Variants in DECR1 observed in about 807,000 individuals in gnomAD.
DECR1 encodes the protein 2,4-dienoyl-CoA reductase [(3E)-enoyl-CoA-producing], mitochondrial.
Under a neutral mutation model 38.8 loss-of-function variants are expected in DECR1, and 44 were observed. That is an observed-to-expected ratio of 1.13 (90% CI 0.89 to 1.46). The LOEUF is 1.46. Among genes scored for constraint, DECR1 ranks in the 40% most tolerant of loss-of-function variants. The pLI, the probability that DECR1 is intolerant of heterozygous loss-of-function variation, is 0.00. For synonymous variants in DECR1, 148 were observed against 135.2 expected (o/e 1.09, Z -0.66); for missense variants, 428 against 405.5 (o/e 1.06, Z -0.48).
intron 8 of DECR1, among the ~76,000 whole-genome samples, chr8:90,045,743 G>A (rs1009946203): frequency 9.9e-5 from 15 of 152,282 alleles, no homozygotes; most frequent in African/African-American, 3.6e-4. Context: ...CCTCAACTGG[G>A]CCCTTGACCC....
Position 90,019,133 on chromosome 8 carries a change from C to T in DECR1, c.378C>T (p.Asn126=), listed in dbSNP as rs761550038. ...CDVRDPDMVQ[N]TVSELIKVAG... is the part of the protein sequence containing the mutation. ...TGAGGGATCCTGATATGGTTCAAAA[C>T]ACTGTGTCAGAACTGATCAAAGTTG... Residue 126 remains asparagine, a synonymous_variant, in exon 4 of 10, where the codon AAC becomes AAT. Coordinates refer to ENST00000220764, the MANE Select transcript of DECR1 (RefSeq NM_001359.2). 2.5e-6 allele frequency: 4 copies of T among 1,614,066 alleles called. No individual in the cohort carries two copies. In the East Asian group the frequency reaches 6.7e-5, roughly 27 times the overall value.
At chr8:90,048,858 A>G (rs894800869) in intron 8 of DECR1, among the ~76,000 whole-genome samples, 5 of 152,246 alleles carry the variant, frequency 3.3e-5, no homozygotes, top group African/African-American at 1.2e-4. Flanking sequence ...AGTGGGCCTC[A>G]TCCCTGGGAT....
chr8:90,005,518 A>T (rs1386630556), intron 1 of DECR1: 1 of 440,918 alleles, frequency 2.3e-6, no homozygotes, highest in Non-Finnish European at 4.6e-6. Flanking sequence ...AGCTGGGCCT[A>T]TCAGCTGGAT....
intron 5 of DECR1, among the ~76,000 whole-genome samples, chr8:90,026,930 C>G (rs944928531): frequency 7.9e-5 from 12 of 152,156 alleles, no homozygotes; most frequent in Non-Finnish European, 1.5e-4. Context: ...TGTCTTTGTT[C>G]TCATTGGCTT....
chr8:90,040,538 A>G (rs961929938), intron 6 of DECR1, among the ~76,000 whole-genome samples: 1 of 152,166 alleles, frequency 6.6e-6, no homozygotes, highest in African/African-American at 2.4e-5. Flanking sequence ...GGTTTGTTAC[A>G]TAGGTATACA....
At chr8:90,007,279 G>T (rs971751706) in intron 1 of DECR1, among the ~76,000 whole-genome samples, 1 of 152,130 alleles carries the variant, frequency 6.6e-6, no homozygotes, top group Admixed American at 6.5e-5. Context: ...TATGGGGAGC[G>T]AAGGAATCTG....
chr8:90,004,373 T>C (rs951356038), intron 1 of DECR1, among the ~76,000 whole-genome samples: 2 of 151,532 alleles, frequency 1.3e-5, no homozygotes, highest in Non-Finnish European at 2.9e-5. Flanking sequence ...AAAAGAATAG[T>C]AACTATCAAG....
At chr8:90,043,259 T>C (rs1409299122) in intron 7 of DECR1, among the ~76,000 whole-genome samples, 2 of 152,196 alleles carry the variant, frequency 1.3e-5, no homozygotes, top group Non-Finnish European at 2.9e-5. Context: ...GCATTTTCCT[T>C]GACTCATGCT....
chr8:90,021,711 A>G (rs1002179139), intron 5 of DECR1, among the ~76,000 whole-genome samples: 18 of 152,200 alleles, frequency 1.2e-4, no homozygotes, highest in African/African-American at 4.3e-4. Flanking sequence ...CATGGGAGAT[A>G]AAGTAGAAGA....
At chr8:90,048,248 T>C (rs1813963590) in intron 8 of DECR1, among the ~76,000 whole-genome samples, 1 of 152,026 alleles carries the variant, frequency 6.6e-6, no homozygotes, top group South Asian at 2.1e-4. Flanking sequence ...ATCCAGGAGC[T>C]GTTTTTTTTG....
At chr8:90,015,508 C>T in intron 1 of DECR1, 2 of 346,328 alleles carry the variant, frequency 5.8e-6, no homozygotes, top group Admixed American at 7.0e-5. Flanking sequence ...CATTTAACAT[C>T]ACATTATAAA....
Position 90,045,035 on chromosome 8 carries a change from T to G in DECR1, c.885+40T>G, listed in dbSNP as rs200547759. ...TTTCTCTTCACTTTTTTTTCAGGAG[T>G]GTGTTTGGGGCAGGGAGGTCTGTTG... is the stretch of plus-strand genomic sequence containing the variant. On this transcript the variant is annotated intron_variant, in intron 8 of 9. Transcript: ENST00000220764. The G allele has an allele frequency of 2.0e-5, 33 of 1,611,444 alleles. No homozygotes were observed. The East Asian group carries it at 7.4e-4, about 36-fold the overall frequency.
At chr8:90,020,668 G>C (rs1458079337) in intron 4 of DECR1, among the ~76,000 whole-genome samples, 1 of 152,194 alleles carries the variant, frequency 6.6e-6, no homozygotes, top group East Asian at 1.9e-4. Flanking sequence ...CTCAGCCTTA[G>C]TTTTCTTAAT....
chr8:90,021,798 G>A (rs944405162), intron 5 of DECR1, among the ~76,000 whole-genome samples: 4 of 152,138 alleles, frequency 2.6e-5, no homozygotes, highest in African/African-American at 9.7e-5. Context: ...GAGTCTGGAT[G>A]ATAATACCAA....
intron 9 of DECR1, 23 bp from the exon 10 acceptor site, chr8:90,051,815 A>G: frequency 6.2e-7 from 1 of 1,613,632 alleles, no homozygotes; most frequent in Non-Finnish European, 8.5e-7. Flanking sequence ...AAGGACATTA[A>G]ATTGACATCT....
At position 90,036,920 on chromosome 8, in the gene DECR1, A is replaced by C. The variant is rs1248989157; in HGVS notation, c.645A>C (p.Ala215=). The C allele has an allele frequency of 1.2e-6, 2 of 1,613,172 alleles. No individual in the cohort carries two copies. Among genetic ancestry groups the C allele is most frequent in the South Asian group, 1.1e-5 (1 of 91,018 alleles). Residue 215 remains alanine, a synonymous_variant, in exon 6 of 10, where the codon GCA becomes GCC. Coordinates refer to ENST00000220764, the MANE Select transcript of DECR1 (RefSeq NM_001359.2). ...GFVVPSASAK[A]GVEAMSKSLA... ...TAGTACCAAGTGCTTCTGCCAAAGC[A>C]GGTGTGGAAGCCATGAGCAAGTAAG...
chr8:90,024,232 C>T (rs1449196774), intron 5 of DECR1, among the ~76,000 whole-genome samples: 1 of 152,182 alleles, frequency 6.6e-6, no homozygotes, highest in Admixed American at 6.5e-5. Context: ...GGTATATACC[C>T]AGTAATGGGA....
At chr8:90,046,558 G>A (rs1006118456) in intron 8 of DECR1, among the ~76,000 whole-genome samples, 11 of 152,134 alleles carry the variant, frequency 7.2e-5, no homozygotes, top group African/African-American at 1.7e-4. Context: ...CCAAATCTAC[G>A]TCTGATTGTA....
chr8:90,019,855 C>CT (rs1192725275), intron 4 of DECR1, among the ~76,000 whole-genome samples: 1 of 152,198 alleles, frequency 6.6e-6, no homozygotes, highest in Non-Finnish European at 1.5e-5. Flanking sequence ...TTCAGGAATA[C>CT]TTAAAGAATC....
Sources: allele counts gnomAD v4.1 joint callset (sites outside exome capture counted in the v4.1 genomes callset), GRCh38; gene constraint gnomAD v4.1.1; transcripts MANE v1.5; gene names NCBI Gene and HGNC (gene_info 2026-07-23, HGNC 2026-07-21).